Variants in CYP4F22 observed in about 807,000 individuals in gnomAD.
CYP4F22 encodes cytochrome P450 family 4 subfamily F member 22.
Under a neutral mutation model 60.4 loss-of-function variants are expected in CYP4F22, and 37 were observed. That is an observed-to-expected ratio of 0.61 (90% CI 0.47 to 0.81). The LOEUF (loss-of-function observed/expected upper bound fraction) is 0.81. Ranked by LOEUF, CYP4F22 falls within the 30% of genes least tolerant of loss-of-function variation. The pLI is 0.00. For missense variants in CYP4F22, 655 were observed against 715.0 expected (o/e 0.92, Z 0.96); for synonymous variants, 258 against 280.5 (o/e 0.92, Z 0.80).
chr19:15,549,950 G>A (rs1971575778), intron 12 of CYP4F22, among the ~76,000 whole-genome samples: 1 of 152,008 alleles, frequency 6.6e-6, no homozygotes, highest in Non-Finnish European at 1.5e-5. Flanking sequence ...TTTGAGACTG[G>A]GTCTTGCTCT....
intron 2 of CYP4F22, among the ~76,000 whole-genome samples, chr19:15,524,872 G>T (rs548622333): frequency 6.6e-6 from 1 of 152,160 alleles, no homozygotes; most frequent in South Asian, 2.1e-4. Context: ...GGGAAAGGAC[G>T]TGGCCAATAG....
intron 3 of CYP4F22, among the ~76,000 whole-genome samples, chr19:15,526,160 G>C (rs1971280493): frequency 6.6e-6 from 1 of 151,686 alleles, no homozygotes; most frequent in Non-Finnish European, 1.5e-5. Context: ...GGGAGACCCT[G>C]TCTCTCTAAG....
intron 2 of CYP4F22, 86 bp from the exon 3 acceptor site, chr19:15,525,250 C>A: frequency 7.4e-7 from 1 of 1,345,042 alleles, no homozygotes; most frequent in Non-Finnish European, 1.0e-6. Context: ...TGCTGGGAAC[C>A]TTCTGTGCAC....
chr19:15,521,298 C>A (rs1312505947), intron 1 of CYP4F22, among the ~76,000 whole-genome samples: 1 of 142,264 alleles, frequency 7.0e-6, no homozygotes, highest in Non-Finnish European at 1.5e-5. Flanking sequence ...GTGGTTCGAT[C>A]TCAGCTCACT....
intron 8 of CYP4F22, among the ~76,000 whole-genome samples, chr19:15,542,301 G>A (rs1172958841): frequency 2.0e-5 from 3 of 152,134 alleles, no homozygotes; most frequent in African/African-American, 7.2e-5. Context: ...GGAAGCTGAG[G>A]TGGGAGGATC....
chr19:15,525,611 A>G, intron 3 of CYP4F22, 53 bp downstream of exon 3: 1 of 1,551,890 alleles, frequency 6.4e-7, no homozygotes, highest in Non-Finnish European at 8.7e-7. Context: ...TGTGCAGGGT[A>G]ATAGGTAGGG....
intron 1 of CYP4F22, chr19:15,516,751 T>C: frequency 3.2e-6 from 2 of 629,996 alleles, no homozygotes; most frequent in Non-Finnish European, 2.6e-6. Context: ...CAACCTGGAA[T>C]CCCTGGACTC....
intron 1 of CYP4F22, among the ~76,000 whole-genome samples, chr19:15,523,445 G>A (rs1016512926): frequency 2.0e-5 from 3 of 152,180 alleles, no homozygotes; most frequent in Admixed American, 6.5e-5. Flanking sequence ...AGGGGATGGT[G>A]TTAACCATTC....
rs148402706 is a variant in CYP4F22, at chr19:15,525,404, C to T, written c.68C>T (p.Ala23Val). The T allele has an allele frequency of 1.0e-4, 166 of 1,614,196 alleles. No individual in the cohort carries two copies. In the African/African-American group the frequency reaches 1.3e-3, roughly 13 times the overall value. Residue 23 changes from alanine (A) to valine (V), a missense_variant, in exon 3 of 14, where the codon GCG becomes GTG. Physicochemically the swap from Ala to Val is moderately conservative, Grantham distance 64. Coordinates refer to ENST00000269703, the MANE Select transcript of CYP4F22 (RefSeq NM_173483.4). ...GAGAAGACGGCGTTCCGCATATACG[C>T]GGTGTCCACCCTTCTCCTCTTCCTG... Reference protein sequence around the residue: ...GLEKTAFRIYAVSTLLLFLLF... With the variant: ...GLEKTAFRIYVVSTLLLFLLF...
At chr19:15,548,000 AGAGTGTGTGTGTGTGT>A (rs1971550056) in intron 10 of CYP4F22, 92 bp from the exon 11 acceptor site, 2 of 294,438 alleles carry the variant, frequency 6.8e-6, no homozygotes, top group African/African-American at 6.3e-5. Flanking sequence ...AGAGAGGGAG[AGAGTGTGTGTGTGTGT>A]GTGTGTGTGT....
chr19:15,531,122 G>A (rs370845648), intron 4 of CYP4F22, among the ~76,000 whole-genome samples: 33 of 152,268 alleles, frequency 2.2e-4, no homozygotes, highest in African/African-American at 7.7e-4. Flanking sequence ...TGCACCTGTA[G>A]TCTCGGCTAC....
rs149520137 is a variant in CYP4F22, at chr19:15,530,643, C to T, written c.367+790C>T. Among the ~76,000 whole-genome samples the T allele has an allele frequency of 1.1e-3, 168 of 152,206 alleles. 1 individual carries two copies. The East Asian group carries it at 0.027, about 24-fold the overall frequency. On this transcript the variant is annotated intron_variant, in intron 4 of 13. Transcript: ENST00000269703. ...GGCTGGGGAGGCCTCAGAAAACTTA[C>T]AATCATGGCGGAAGGGGAAGCAAAC...
At position 15,540,458 on chromosome 19, in the gene CYP4F22, G is replaced by A; in HGVS notation, c.680G>A (p.Ser227Asn). Residue 227 changes from serine (S) to asparagine (N), a missense_variant, in exon 8 of 14, where the codon AGT becomes AAT. By Grantham distance (46) the Ser-to-Asn change is conservative. This residue lies in a region of CYP4F22 where 430 missense variants were observed against 457.1 expected (regional missense o/e 0.94). Transcript: ENST00000269703. ...CCCCTTCTCCTTGGCAGGAAGATGAGTGATTATATCTCCGCTATCATTGAA... is the reference window on the plus strand; with the variant it reads ...CCCCTTCTCCTTGGCAGGAAGATGAATGATTATATCTCCGCTATCATTGAA... ...SYNSNCQEKM[S>N]DYISAIIELS... is the part of the protein sequence containing the mutation. The A allele has an allele frequency of 2.5e-6, 4 of 1,614,172 alleles. No homozygotes were observed. In the South Asian group the frequency reaches 4.4e-5, roughly 18 times the overall value.
At chr19:15,518,484 C>A (rs1049930333) in intron 1 of CYP4F22, among the ~76,000 whole-genome samples, 45 of 134,064 alleles carry the variant, frequency 3.4e-4, no homozygotes, top group Admixed American at 4.5e-4. Flanking sequence ...ACCAAAAATA[C>A]AAAAAAAAAA....
intron 13 of CYP4F22, 67 bp from the exon 14 acceptor site, chr19:15,551,227 C>A: frequency 6.4e-7 from 1 of 1,557,534 alleles, no homozygotes. Context: ...TCAAAGGAGG[C>A]ATGTGACCCC....
intron 1 of CYP4F22, chr19:15,515,537 CA>C (rs1268367424): frequency 4.9e-6 from 3 of 607,306 alleles, no homozygotes; most frequent in Non-Finnish European, 9.5e-6. Context: ...CCAGCCTGGC[CA>C]ATATGGTGAC....
chr19:15,544,348 TCCCAC>T (rs1971498710), intron 10 of CYP4F22, 69 bp downstream of exon 10: 12 of 1,544,030 alleles, frequency 7.8e-6, no homozygotes, highest in Middle Eastern at 4.4e-4. Context: ...GCCTCTGCTC[TCCCAC>T]TTACTGATTG....
rs200171674 is a variant in CYP4F22, at chr19:15,551,358, C to A, written c.1483C>A (p.Arg495Ser). 1.9e-5 allele frequency: 30 copies of A among 1,613,292 alleles called. No homozygotes were observed. Among genetic ancestry groups the A allele is most frequent in the African/African-American group, 2.7e-5 (2 of 75,040 alleles). ...LRVVVALTLL[R>S]FRLSVDRTRK... ...CGTGGTTGTGGCACTAACACTGCTACGTTTCCGCCTGAGCGTGGACCGAAC... is the reference window on the plus strand; with the variant it reads ...CGTGGTTGTGGCACTAACACTGCTAAGTTTCCGCCTGAGCGTGGACCGAAC... Residue 495 changes from arginine (R) to serine (S), a missense_variant, in exon 14 of 14, where the codon CGT becomes AGT. By Grantham distance (110) the Arg-to-Ser change is moderately radical (BLOSUM62 -1). Coordinates refer to ENST00000269703, the MANE Select transcript of CYP4F22 (RefSeq NM_173483.4).
intron 7 of CYP4F22, 68 bp from the exon 8 acceptor site, chr19:15,540,382 T>C (rs1257222513): frequency 6.2e-7 from 1 of 1,604,548 alleles, no homozygotes; most frequent in Non-Finnish European, 8.5e-7. Flanking sequence ...AGGCTTATCT[T>C]AGCCAAGCCA....
Sources: gnomAD v4.1 joint callset for allele counts (sites outside exome capture counted in the v4.1 genomes callset) on GRCh38, gnomAD v4.1.1 for gene constraint, gnomAD v4.1.1 regional missense constraint, MANE v1.5 for transcripts, NCBI Gene and HGNC (gene_info 2026-07-23, HGNC 2026-07-21) for gene names.